PPP1R18: variants seen among roughly 807,000 people sequenced by gnomAD.
PPP1R18 encodes phostensin.
Under a neutral mutation model 54.8 loss-of-function variants are expected in PPP1R18, and 31 were observed. The ratio of observed to expected loss-of-function variants is 0.57; its 90% confidence interval spans 0.43 to 0.76. The LOEUF (loss-of-function observed/expected upper bound fraction) is 0.76, where lower values mean the gene tolerates loss of function less well. Among genes scored for constraint, PPP1R18 ranks in the 30% least tolerant of loss-of-function variants. The pLI is 0.00. For synonymous variants in PPP1R18, 310 were observed against 320.2 expected, an observed-to-expected ratio of 0.97 and a Z score of 0.34; for missense variants, 685 against 776.1, an observed-to-expected ratio of 0.88 and a Z score of 1.39.
In PPP1R18 at chr6:30,685,904, A is replaced by C. The variant is rs766003216; in HGVS notation, c.115T>G (p.Trp39Gly). ...ERERLSQMPAWKRGLLERRRA... is the reference protein window; with the variant it reads ...ERERLSQMPAGKRGLLERRRA... The stretch of plus-strand genomic sequence containing the variant: ...CGGCGCTCCAGGAGCCCTCGTTTCC[A>C]GGCTGGCATCTGGGACAGGCGCTCC... Residue 39 changes from tryptophan to glycine, a missense_variant, in exon 1 of 3, where the codon TGG (tryptophan) becomes GGG (glycine). Coordinates refer to ENST00000274853, the MANE Select transcript of PPP1R18 (RefSeq NM_133471.4). This position sits in a 1 kb window ranked among gnomAD's most constrained non-coding sequence, Gnocchi z 5.0. 3 of 1,610,338 alleles carry C rather than the reference A, an allele frequency of 1.9e-6. No individual in the cohort carries two copies. Among genetic ancestry groups the C allele is most frequent in the Non-Finnish European group, 2.5e-6 (3 of 1,179,998 alleles).
At position 30,684,818 on chromosome 6, in the gene PPP1R18, A is replaced by C; in HGVS notation, c.1201T>G (p.Ser401Ala). Residue 401 changes from serine to alanine, a missense_variant, in exon 1 of 3, where the codon TCC (serine) becomes GCC (alanine). Physicochemically the swap from Ser to Ala is moderately conservative, Grantham distance 99. Coordinates refer to ENST00000274853, the MANE Select transcript of PPP1R18 (RefSeq NM_133471.4). This position sits in a 1 kb window ranked among gnomAD's most constrained non-coding sequence, Gnocchi z 6.0. ...RALQNCCSVP[S>A]PLPPEDAGTG... The stretch of plus-strand genomic sequence containing the variant: ...CCAGCGTCCTCTGGTGGGAGGGGGG[A>C]GGGCACAGAGCAGCAGTTCTGCAGG... 6.2e-7 allele frequency: 1 copy of C among 1,610,904 alleles called. No homozygotes were observed. The highest frequency in any genetic ancestry group is 2.2e-5 in the East Asian group (1 of 44,826).
chr6:30,682,333 G>A (rs1407675218), intron 1 of PPP1R18, among the ~76,000 whole-genome samples: 4 of 152,140 alleles, frequency 2.6e-5, no homozygotes, highest in African/African-American at 2.4e-5. Flanking sequence ...CTGGGGTAGG[G>A]CACCAGCCAC....
intron 1 of PPP1R18, among the ~76,000 whole-genome samples, chr6:30,680,243 C>A (rs755900286): frequency 6.6e-6 from 1 of 152,166 alleles, no homozygotes. Context: ...CAAGAGCAGG[C>A]GAGTCCCAGC....
Position 30,684,460 on chromosome 6 carries a change from C to A in PPP1R18, c.1559G>T (p.Arg520Leu). Residue 520 changes from arginine (R) to leucine (L), a missense_variant, in exon 1 of 3, where the codon CGT becomes CTT. Coordinates refer to ENST00000274853, the MANE Select transcript of PPP1R18 (RefSeq NM_133471.4). The surrounding 1 kb of genome is among the most constrained non-coding windows in gnomAD (Gnocchi z 6.0). Reference sequence around the variant, plus strand: ...CTTGGCAAGGCAGCTGCGGCTGAGACGGAGGTAGCCCCCCAGAACCAAGAT... The same window carrying A: ...CTTGGCAAGGCAGCTGCGGCTGAGAAGGAGGTAGCCCCCCAGAACCAAGAT... ...EEILVLGGYL[R>L]LSRSCLAKGS... 6.2e-7 allele frequency: 1 copy of A among 1,603,832 alleles called. No individual in the cohort carries two copies. Among genetic ancestry groups the A allele is most frequent in the Admixed American group, 1.7e-5 (1 of 58,864 alleles).
In PPP1R18 at chr6:30,684,999, C is replaced by T; in HGVS notation, c.1020G>A (p.Lys340=). ...TGTCCCTGGGTGTCCATTCTCGAGC[C>T]TTCCCGGAGTTCAGGGTCCATTTCC... is the stretch of plus-strand genomic sequence containing the variant. The part of the protein sequence containing the change: ...EGWKWTLNSG[K]AREWTPRDIE... The change falls in exon 1 of 3, where the codon AAG becomes AAA. Residue 340 remains lysine, a synonymous_variant. Coordinates refer to ENST00000274853, the MANE Select transcript of PPP1R18 (RefSeq NM_133471.4). This position sits in a 1 kb window ranked among gnomAD's most constrained non-coding sequence, Gnocchi z 6.0. 2.5e-6 allele frequency: 4 copies of T among 1,613,210 alleles called. No individual in the cohort carries two copies. The highest frequency in any genetic ancestry group is 2.5e-6 in the Non-Finnish European group (3 of 1,179,984).
chr6:30,678,560 A>T (rs1053232095), intron 2 of PPP1R18, among the ~76,000 whole-genome samples: 1 of 151,456 alleles, frequency 6.6e-6, no homozygotes, highest in Non-Finnish European at 1.5e-5. Context: ...TTGTATTTTT[A>T]GTAGAGATGG....
chr6:30,685,975 C>A lies in PPP1R18; in HGVS notation c.44G>T (p.Arg15Leu). 1 of 1,594,742 alleles carries A rather than the reference C, an allele frequency of 6.3e-7. No homozygotes were observed. Among genetic ancestry groups the A allele is most frequent in the Non-Finnish European group, 8.5e-7 (1 of 1,175,448 alleles). The change falls in exon 1 of 3, where the codon CGC (arginine) becomes CTC (leucine). Residue 15 changes from arginine to leucine, a missense_variant. By Grantham distance (102) the Arg-to-Leu change is moderately radical. Transcript: ENST00000274853. The surrounding 1 kb of genome is among the most constrained non-coding windows in gnomAD (Gnocchi z 5.0). ...PDWKLQLLAR[R>L]RQEEASVRGR... is the part of the protein sequence containing the mutation. ...TCGAACGGACGCCTCCTCCTGCCGG[C>A]GCCGGGCTAGCAGCTGTAGCTTCCA...
chr6:30,677,034 A>C lies in PPP1R18; in HGVS notation c.*235T>G, dbSNP rs1439465029. On this transcript the variant is annotated 3_prime_UTR_variant, in exon 3 of 3. Coordinates refer to ENST00000274853, the MANE Select transcript of PPP1R18 (RefSeq NM_133471.4). The stretch of plus-strand genomic sequence containing the variant: ...CTCAGGACTTGGCGCTCACTCTTGG[A>C]TGACCTAGGATGCACCAGCACGTTT... 1.5e-6 allele frequency: 1 copy of C among 672,316 alleles called. No individual in the cohort carries two copies. Among genetic ancestry groups the C allele is most frequent in the Non-Finnish European group, 2.7e-6 (1 of 372,182 alleles). The allele number at this position is 672,316 out of a possible 1,614,324, so 41.6% of individuals were successfully genotyped here. A position where few individuals can be genotyped will look rare whatever the true frequency, so the allele number is the denominator to read the frequency against.
Position 30,679,366 on chromosome 6 carries a change from T to C in PPP1R18, c.1635A>G (p.Thr545=). Residue 545 remains threonine (T), a synonymous_variant, in exon 2 of 3, where the codon ACA becomes ACG. Transcript: ENST00000274853. ...HKQLKISFSE[T]ALETTYQYPS... ...GGTATTGGTACGTGGTCTCCAGGGC[T>C]GTCTCGCTGAAGGAGATCTTAAGCT... 1 of 1,586,552 alleles carries C rather than the reference T, an allele frequency of 6.3e-7. No individual in the cohort carries two copies. The highest frequency in any genetic ancestry group is 8.6e-7 in the Non-Finnish European group (1 of 1,167,960).
At chr6:30,677,357 C>A (rs1193179811) in intron 2 of PPP1R18, 69 bp from the exon 3 acceptor site, 6 of 1,392,786 alleles carry the variant, frequency 4.3e-6, no homozygotes, top group African/African-American at 1.5e-5. Flanking sequence ...CCCTTCCCCC[C>A]CACACAAATT....
rs749675449 is a variant in PPP1R18, at chr6:30,683,773, C to T, written c.1611+635G>A. On this transcript the variant is annotated intron_variant, in intron 1 of 2. Transcript: ENST00000274853. The surrounding 1 kb of genome is among the most constrained non-coding windows in gnomAD (Gnocchi z 5.1). ...TCAAATGGCCTCTCTGTGTCTCTCC[C>T]ATGGGGCAGACTCGGGGTTCAAAAG... 2.0e-5 allele frequency among the ~76,000 whole-genome samples: 3 copies of T among 152,110 alleles called. No individual in the cohort carries two copies. Among genetic ancestry groups the T allele is most frequent in the Non-Finnish European group, 4.4e-5 (3 of 68,008 alleles).
chr6:30,688,360 C>A, upstream of PPP1R18: 1 of 494,608 alleles, frequency 2.0e-6, no homozygotes, highest in African/African-American at 1.9e-5. This position sits in a 1 kb window ranked among gnomAD's most constrained non-coding sequence, Gnocchi z 5.9. Context: ...CAGGGCAGAT[C>A]CTTTCCTTCT....
rs1354668048 is a variant in PPP1R18 at position 30,683,376 on chromosome 6, G to A, written c.1611+1032C>T. 6.6e-6 allele frequency among the ~76,000 whole-genome samples: 1 copy of A among 152,152 alleles called. No homozygotes were observed. The highest frequency in any genetic ancestry group is 2.4e-5 in the African/African-American group (1 of 41,428). On this transcript the variant is annotated intron_variant, in intron 1 of 2. Coordinates refer to ENST00000274853, the MANE Select transcript of PPP1R18 (RefSeq NM_133471.4). This position sits in a 1 kb window ranked among gnomAD's most constrained non-coding sequence, Gnocchi z 5.1. The stretch of plus-strand genomic sequence containing the variant: ...GGCCAGGGCCAGGGGGAGTCATCCT[G>A]GCTGCCCCCACTTTCCTGCAGGTCT...
In PPP1R18 at chr6:30,685,550, C is replaced by A. The variant is rs767775337; in HGVS notation, c.469G>T (p.Gly157Trp). The A allele has an allele frequency of 6.2e-7, 1 of 1,613,086 alleles. No homozygotes were observed. Among genetic ancestry groups the A allele is most frequent in the Non-Finnish European group, 8.5e-7 (1 of 1,180,026 alleles). ...RETRERRLGI[G>W]GAQELSLRPL... The stretch of plus-strand genomic sequence containing the variant: ...CTCAGGCTCAACTCTTGGGCTCCCC[C>A]TATCCCCAGCCTCCTCTCTCTGGTC... The change falls in exon 1 of 3, where the codon GGG (glycine) becomes TGG (tryptophan). Residue 157 changes from glycine to tryptophan, a missense_variant. Physicochemically the swap from Gly to Trp is radical, Grantham distance 184 (BLOSUM62 -2). Transcript: ENST00000274853. This position sits in a 1 kb window ranked among gnomAD's most constrained non-coding sequence, Gnocchi z 5.0.
At position 30,677,609 on chromosome 6, in the gene PPP1R18, G is replaced by A. The variant is rs1770269669; in HGVS notation, c.1823-321C>T. ...CACCTGTAATCCAAGCAATTTGGGAGGCTGAGGCAGGAGGATCACTTGAGG... is the reference window on the plus strand; with the variant it reads ...CACCTGTAATCCAAGCAATTTGGGAAGCTGAGGCAGGAGGATCACTTGAGG... On this transcript the variant is annotated intron_variant, in intron 2 of 2. Transcript: ENST00000274853. Among the ~76,000 whole-genome samples, 6 of 152,230 alleles carry A rather than the reference G, an allele frequency of 3.9e-5. No homozygotes were observed. In the South Asian group the frequency reaches 1.2e-3, roughly 32 times the overall value.
intron 1 of PPP1R18, among the ~76,000 whole-genome samples, chr6:30,680,777 C>G (rs1770501429): frequency 6.6e-6 from 1 of 152,122 alleles, no homozygotes; most frequent in Non-Finnish European, 1.5e-5. Flanking sequence ...GTCTCCCCAT[C>G]TCACTTGGAG....
At position 30,685,973 on chromosome 6, in the gene PPP1R18, GGCGC is replaced by G; in HGVS notation, c.42_45del (p.Arg15GlyfsTer47). 1 of 1,596,672 alleles carries G rather than the reference GGCGC, an allele frequency of 6.3e-7. No individual in the cohort carries two copies. ...CCTCGAACGGACGCCTCCTCCTGCC[GGCGC>G]CGGGCTAGCAGCTGTAGCTTCCAGT... On this transcript the variant is annotated frameshift_variant, in exon 1 of 3. Coordinates refer to ENST00000274853, the MANE Select transcript of PPP1R18 (RefSeq NM_133471.4). LOFTEE classifies it high-confidence loss of function. The surrounding 1 kb of genome is among the most constrained non-coding windows in gnomAD (Gnocchi z 5.0).
rs1770820210 is a variant in PPP1R18, at chr6:30,685,156, GCT to G, written c.861_862del (p.Ala288SerfsTer91). ...GGACAGCTCTGCAGTCTCTTTTGGA[GCT>G]ACCCCTGGAACTGGCCACTCTTCTT... On this transcript the variant is annotated frameshift_variant, in exon 1 of 3. Transcript: ENST00000274853. LOFTEE classifies it high-confidence loss of function. The surrounding 1 kb of genome is among the most constrained non-coding windows in gnomAD (Gnocchi z 5.0). The G allele has an allele frequency of 6.2e-7, 1 of 1,612,946 alleles. No individual in the cohort carries two copies. The highest frequency in any genetic ancestry group is 1.3e-5 in the African/African-American group (1 of 74,904).
intron 1 of PPP1R18, among the ~76,000 whole-genome samples, chr6:30,680,012 G>T (rs116693962): frequency 7.2e-5 from 11 of 152,126 alleles, no homozygotes; most frequent in Non-Finnish European, 1.6e-4. Context: ...GGCCTAGGAA[G>T]AGATGGGAGA....
Sources: allele counts gnomAD v4.1 joint callset (sites outside exome capture counted in the v4.1 genomes callset), GRCh38; gene constraint gnomAD v4.1.1; non-coding constraint Gnocchi (gnomAD v3.1); transcripts MANE v1.5; gene names NCBI Gene and HGNC (gene_info 2026-07-23, HGNC 2026-07-21).